The following PLPPR5 variants were observed in gnomAD, a reference collection of about 807,000 sequenced individuals.
PLPPR5 encodes phospholipid phosphatase related 5.
In PLPPR5, 16 loss-of-function variants were observed where a neutral mutation model predicts 33.9. The observed-to-expected ratio is 0.47, with a 90% CI of 0.32 to 0.72. The LOEUF (loss-of-function observed/expected upper bound fraction) is 0.72, where lower values mean the gene tolerates loss of function less well. Ranked by LOEUF, PLPPR5 falls within the 30% of genes least tolerant of loss-of-function variation. The pLI is 0.03. For missense variants in PLPPR5, 301 were observed against 406.7 expected (o/e 0.74, Z 2.23); for synonymous variants, 163 against 150.3 (o/e 1.08, Z -0.62).
intron 1 of PLPPR5, among the ~76,000 whole-genome samples, chr1:98,979,047 C>G (rs1293398371): frequency 2.0e-5 from 3 of 152,010 alleles, no homozygotes; most frequent in African/African-American, 7.2e-5. Flanking sequence ...CTGGGCTACC[C>G]AGCATTTCAC....
intron 1 of PLPPR5, among the ~76,000 whole-genome samples, chr1:98,959,371 G>A (rs1020515911): frequency 3.9e-5 from 6 of 152,132 alleles, no homozygotes; most frequent in Non-Finnish European, 5.9e-5. Flanking sequence ...GAGCATTTCT[G>A]CCAGAACAGT....
At chr1:98,973,953 G>A (rs187166950) in intron 1 of PLPPR5, among the ~76,000 whole-genome samples, 9 of 152,066 alleles carry the variant, frequency 5.9e-5, no homozygotes, top group East Asian at 1.9e-4. Context: ...AAAAGGCAGC[G>A]GAGACTGGAG....
chr1:98,922,157 A>ATGT, intron 3 of PLPPR5, 99 bp from the exon 4 acceptor site: 1 of 1,029,462 alleles, frequency 9.7e-7, no homozygotes, highest in Non-Finnish European at 1.4e-6. Flanking sequence ...ATAGACATAT[A>ATGT]TACGCCTGTA....
intron 3 of PLPPR5, among the ~76,000 whole-genome samples, chr1:98,945,925 AGAGAT>A (rs1436474733): frequency 6.6e-6 from 1 of 152,174 alleles, no homozygotes; most frequent in African/African-American, 2.4e-5. Flanking sequence ...GAAAGTGCTT[AGAGAT>A]TCCCTAGCAG....
At chr1:98,950,602 T>G (rs1018145267) in intron 3 of PLPPR5, among the ~76,000 whole-genome samples, 2 of 152,208 alleles carry the variant, frequency 1.3e-5, no homozygotes, top group Non-Finnish European at 2.9e-5. Context: ...AGGCCAAGTA[T>G]ATTATTATAG....
chr1:98,914,688 A>C, intron 5 of PLPPR5, 98 bp downstream of exon 5: 2 of 1,103,442 alleles, frequency 1.8e-6, no homozygotes, highest in Non-Finnish European at 2.5e-6. Context: ...CACTAAGTAA[A>C]TCAACATAAA....
At chr1:98,953,411 T>C in intron 2 of PLPPR5, 91 bp from the exon 3 acceptor site, 2 of 1,448,870 alleles carry the variant, frequency 1.4e-6, no homozygotes, top group Middle Eastern at 1.9e-4. Flanking sequence ...CAGTTTACAA[T>C]AAACCAAAAT....
rs75433689 is a variant in PLPPR5, at chr1:98,976,732, T to C, written c.238-19991A>G. ...ATAAAAATAAAAAATAACTTATTAA[T>C]AAGTGTGTATATTGATTACATGTTA... On this transcript the variant is annotated intron_variant, in intron 1 of 5. Transcript: ENST00000263177. 4.4e-3 allele frequency among the ~76,000 whole-genome samples: 673 copies of C among 152,202 alleles called. 50 individuals carry two copies. The East Asian group carries it at 0.11, about 25-fold the overall frequency.
intron 5 of PLPPR5, among the ~76,000 whole-genome samples, chr1:98,904,866 G>T (rs1000242941): frequency 6.6e-6 from 1 of 152,206 alleles, no homozygotes; most frequent in Non-Finnish European, 1.5e-5. Flanking sequence ...AGGGGAGAGG[G>T]ATGGTTTTCT....
rs1405940596 is a variant in PLPPR5 at position 99,004,522 on chromosome 1, G to A, written c.150C>T (p.Tyr50=). 6 of 1,613,252 alleles carry A rather than the reference G, an allele frequency of 3.7e-6. No individual in the cohort carries two copies. The highest frequency in any genetic ancestry group is 5.1e-6 in the Non-Finnish European group (6 of 1,179,874). ...VQGFFCHDSA[Y]RKPYPGPEDS... Reference sequence around the variant, plus strand: ...CCTCCGGGCCCGGGTAGGGTTTGCGGTAGGCGCTGTCGTGGCAGAAGAAGC... The same window carrying A: ...CCTCCGGGCCCGGGTAGGGTTTGCGATAGGCGCTGTCGTGGCAGAAGAAGC... The change falls in exon 1 of 6, where the codon TAC becomes TAT. Residue 50 remains tyrosine (Y), a synonymous_variant. Transcript: ENST00000263177.
intron 1 of PLPPR5, among the ~76,000 whole-genome samples, chr1:98,979,382 TG>T (rs1651978211): frequency 6.6e-6 from 1 of 152,100 alleles, no homozygotes; most frequent in African/African-American, 2.4e-5. Context: ...CATCTCTAAA[TG>T]ACTGCAATAT....
chr1:98,992,074 G>A lies in PLPPR5; in HGVS notation c.237+12361C>T, dbSNP rs563378262. On this transcript the variant is annotated intron_variant, in intron 1 of 5. Transcript: ENST00000263177. ...AATACAGGAGTTTATAGAAAAGATG[G>A]ATTACTGTTGAGTAGAAGCATTAAG... is the stretch of plus-strand genomic sequence containing the variant. 6.8e-4 allele frequency among the ~76,000 whole-genome samples: 104 copies of A among 152,260 alleles called. 1 individual carries two copies. Among genetic ancestry groups the A allele is most frequent in the African/African-American group, 2.5e-3 (102 of 41,566 alleles).
At chr1:98,942,017 C>T (rs1165060119) in intron 3 of PLPPR5, among the ~76,000 whole-genome samples, 1 of 148,772 alleles carries the variant, frequency 6.7e-6, no homozygotes, top group Non-Finnish European at 1.5e-5. Flanking sequence ...TACACATATA[C>T]GTATACATAT....
chr1:98,898,063 C>T (rs148359572), intron 5 of PLPPR5, among the ~76,000 whole-genome samples: 175 of 152,212 alleles, frequency 1.1e-3, no homozygotes, highest in African/African-American at 3.9e-3. Flanking sequence ...ATCTTCAATG[C>T]TCATATCCAA....
chr1:98,916,845 C>T (rs111846518), intron 4 of PLPPR5, among the ~76,000 whole-genome samples: 191 of 152,222 alleles, frequency 1.3e-3, no homozygotes, highest in African/African-American at 4.5e-3. Context: ...CTAACATTTA[C>T]GATGTGGAAC....
chr1:98,918,837 T>C (rs1476744429), intron 4 of PLPPR5, among the ~76,000 whole-genome samples: 1 of 152,218 alleles, frequency 6.6e-6, no homozygotes, highest in Non-Finnish European at 1.5e-5. Context: ...AAATAAAAAA[T>C]TCTTTAATCA....
intron 3 of PLPPR5, among the ~76,000 whole-genome samples, chr1:98,928,929 T>G (rs2101172693): frequency 6.6e-6 from 1 of 152,284 alleles, no homozygotes; most frequent in African/African-American, 2.4e-5. Flanking sequence ...TAGCCTATTT[T>G]TTCAGATTCT....
intron 1 of PLPPR5, among the ~76,000 whole-genome samples, chr1:98,964,103 T>A (rs1396268820): frequency 6.6e-6 from 1 of 152,192 alleles, no homozygotes; most frequent in Non-Finnish European, 1.5e-5. Flanking sequence ...GCAACGAGCA[T>A]AACTGGTTTG....
intron 5 of PLPPR5, among the ~76,000 whole-genome samples, chr1:98,898,097 T>C (rs948569034): frequency 2.6e-5 from 4 of 152,148 alleles, no homozygotes; most frequent in Non-Finnish European, 5.9e-5. Context: ...CCCAACAAAA[T>C]GTTTCTTTTA....
Sources: gnomAD v4.1 joint callset for allele counts (sites outside exome capture counted in the v4.1 genomes callset) on GRCh38, gnomAD v4.1.1 for gene constraint, MANE v1.5 for transcripts, NCBI Gene and HGNC (gene_info 2026-07-23, HGNC 2026-07-21) for gene names.